TARDBP: variants seen among roughly 807,000 people sequenced by gnomAD.
The protein encoded by TARDBP is TAR DNA-binding protein 43.
Under a neutral mutation model 38.3 loss-of-function variants are expected in TARDBP, and 4 were observed. That is an observed-to-expected ratio of 0.10 (90% CI 0.05 to 0.24). The LOEUF (loss-of-function observed/expected upper bound fraction) is 0.24. TARDBP is among the 10% of genes least tolerant of loss of function. The probability of loss-of-function intolerance (pLI) is 1.00; values close to 1 mark genes in which losing one functional copy is unlikely to be tolerated. For synonymous variants in TARDBP, 184 were observed against 183.8 expected (o/e 1.00, Z -0.01); for missense variants, 202 against 521.9 (o/e 0.39, Z 5.97).
chr1:11,017,604 TG>T (rs974556480), intron 3 of TARDBP, among the ~76,000 whole-genome samples: 2 of 152,256 alleles, frequency 1.3e-5, no homozygotes, highest in African/African-American at 4.8e-5. Context: ...TTATTGCCTT[TG>T]ATATTGTAAA....
chr1:11,028,507 C>A (rs1020546173), downstream of TARDBP, among the ~76,000 whole-genome samples: 1 of 152,062 alleles, frequency 6.6e-6, no homozygotes, highest in Non-Finnish European at 1.5e-5. Flanking sequence ...CTAGTTGATT[C>A]TTCCAAACTA....
chr1:11,029,985 C>T (rs1643814826), downstream of TARDBP: 3 of 492,196 alleles, frequency 6.1e-6, no homozygotes, highest in Non-Finnish European at 1.1e-5. Flanking sequence ...ATGACTGATG[C>T]AGTCAGCACC....
At chr1:11,013,987 G>A in intron 2 of TARDBP, 22 bp downstream of exon 2, 1 of 1,611,408 alleles carries the variant, frequency 6.2e-7, no homozygotes, top group East Asian at 2.2e-5. Flanking sequence ...TTTGGTTTTT[G>A]TAATCATGCT....
chr1:11,016,526 A>G (rs1050895414), intron 2 of TARDBP, among the ~76,000 whole-genome samples: 2 of 152,214 alleles, frequency 1.3e-5, no homozygotes, highest in Non-Finnish European at 1.5e-5. Context: ...AGGATATACA[A>G]GTTGCTGATA....
intron 2 of TARDBP, 57 bp downstream of exon 2, chr1:11,014,022 A>T (rs547926643): frequency 6.5e-7 from 1 of 1,536,364 alleles, no homozygotes; most frequent in African/African-American, 1.4e-5. Flanking sequence ...TGTGTGTCTC[A>T]TCCATGGATC....
At chr1:11,016,743 T>TA (rs1643532892) in intron 2 of TARDBP, 101 bp from the exon 3 acceptor site, 1 of 1,252,542 alleles carries the variant, frequency 8.0e-7, no homozygotes, top group Admixed American at 2.0e-5. Flanking sequence ...TTATTCTTCT[T>TA]AGAGTCTTCT....
intron 5 of TARDBP, among the ~76,000 whole-genome samples, chr1:11,021,502 T>A (rs780913921): frequency 6.6e-6 from 1 of 152,164 alleles, no homozygotes; most frequent in Non-Finnish European, 1.5e-5. Flanking sequence ...GGTCTTGAAC[T>A]CCTGACCTCA....
At chr1:11,014,895 C>T (rs1048922170) in intron 2 of TARDBP, among the ~76,000 whole-genome samples, 44 of 151,988 alleles carry the variant, frequency 2.9e-4, no homozygotes, top group African/African-American at 1.1e-3. Flanking sequence ...GAGATTGTGC[C>T]ATTGCACTCC....
At chr1:11,013,673 T>C in intron 1 of TARDBP, 43 bp from the exon 2 acceptor site, 1 of 1,457,386 alleles carries the variant, frequency 6.9e-7, no homozygotes, top group East Asian at 2.3e-5. Context: ...GAAACAGTTA[T>C]TCTGACATGA....
downstream of TARDBP, among the ~76,000 whole-genome samples, chr1:11,028,079 G>A (rs907286311): frequency 6.6e-6 from 1 of 151,916 alleles, no homozygotes; most frequent in African/African-American, 2.4e-5. Context: ...AAAATTAGCC[G>A]GGCGTGGTGA....
At chr1:11,016,381 C>T (rs150908705) in intron 2 of TARDBP, 80 of 180,580 alleles carry the variant, frequency 4.4e-4, no homozygotes, top group African/African-American at 1.8e-3. Flanking sequence ...GGACTCAAGT[C>T]GTCCTTCCTC....
chr1:11,027,665 A>G (rs1342272387), downstream of TARDBP: 30 of 1,579,556 alleles, frequency 1.9e-5, no homozygotes, highest in Non-Finnish European at 2.5e-5. Context: ...AAAGAAGCAG[A>G]TAGGTAGAGA....
At chr1:11,014,575 A>T (rs559498043) in intron 2 of TARDBP, among the ~76,000 whole-genome samples, 1 of 152,314 alleles carries the variant, frequency 6.6e-6, no homozygotes, top group South Asian at 2.1e-4. Context: ...TGTTCCTTTT[A>T]TTATAACTTG....
chr1:11,020,454 G>A lies in TARDBP; in HGVS notation c.569G>A (p.Ser190Asn). The A allele has an allele frequency of 6.2e-7, 1 of 1,614,082 alleles. No individual in the cohort carries two copies. The highest frequency in any genetic ancestry group is 1.1e-5 in the South Asian group (1 of 91,078). Residue 190 changes from serine to asparagine, a missense_variant, in exon 5 of 6, where the codon AGC becomes AAC. Ser to Asn is a conservative substitution (Grantham distance 46). Transcript: ENST00000240185. The stretch of plus-strand genomic sequence containing the variant: ...CAAAGCCAAGATGAGCCTTTGAGAA[G>A]CAGAAAAGTGTTTGTGGGGCGCTGT... ...SKQSQDEPLRSRKVFVGRCTE... is the reference protein window; with the variant it reads ...SKQSQDEPLRNRKVFVGRCTE...
At chr1:11,030,344 G>GCT (rs1274503427), downstream of TARDBP, 1 of 842,664 alleles carries the variant, frequency 1.2e-6, no homozygotes, top group Non-Finnish European at 2.0e-6. Context: ...TGATTCTTGA[G>GCT]CATCAGTGGG....
downstream of TARDBP, among the ~76,000 whole-genome samples, chr1:11,028,723 T>G (rs1359411221): frequency 8.7e-5 from 13 of 150,038 alleles, no homozygotes; most frequent in African/African-American, 2.7e-4. Flanking sequence ...TTTTTTTTTT[T>G]TTTTTTTTGA....
At chr1:11,021,693 T>C (rs1196568025) in intron 5 of TARDBP, among the ~76,000 whole-genome samples, 1 of 152,210 alleles carries the variant, frequency 6.6e-6, no homozygotes, top group Non-Finnish European at 1.5e-5. Flanking sequence ...GGGCTCAGCC[T>C]CCAGGGGGAG....
At chr1:11,019,574 T>C (rs1324653258) in intron 4 of TARDBP, among the ~76,000 whole-genome samples, 1 of 152,004 alleles carries the variant, frequency 6.6e-6, no homozygotes, top group Non-Finnish European at 1.5e-5. Context: ...ACAACGACTT[T>C]TTTTTTTTGA....
chr1:11,027,060 C>T (rs1236065829), downstream of TARDBP: 4 of 1,593,504 alleles, frequency 2.5e-6, no homozygotes, highest in Non-Finnish European at 3.4e-6. Context: ...GTCACCTCTG[C>T]AGCTGTCCTT....
Sources: gnomAD v4.1 joint callset for allele counts (sites outside exome capture counted in the v4.1 genomes callset) on GRCh38, gnomAD v4.1.1 for gene constraint, MANE v1.5 for transcripts, NCBI Gene and HGNC (gene_info 2026-07-23, HGNC 2026-07-21) for gene names.